Variants in RGS9 observed in about 807,000 individuals in gnomAD.
RGS9 encodes the protein regulator of G protein signaling 9, also known as regulator of G-protein signalling 9.
In RGS9, 78 loss-of-function variants were observed where a neutral mutation model predicts 102.0. The ratio of observed to expected loss-of-function variants is 0.76; its 90% CI spans 0.64 to 0.92. The LOEUF is 0.92. Ranked by LOEUF, RGS9 falls within the 40% of genes least tolerant of loss-of-function variation. The pLI is 0.00. For missense variants in RGS9, 833 were observed against 866.1 expected (o/e 0.96, Z 0.48); for synonymous variants, 353 against 318.6 (o/e 1.11, Z -1.15).
At chr17:65,168,545 C>CTTTTTTTT (rs5821624) in intron 8 of RGS9, among the ~76,000 whole-genome samples, 2 of 85,274 alleles carry the variant, frequency 2.3e-5, no homozygotes, top group Admixed American at 1.3e-4. Flanking sequence ...AGGGCTGGGA[C>CTTTTTTTT]TTTTTTTTTT....
chr17:65,193,470 C>T (rs1386384422), intron 11 of RGS9, 73 bp from the exon 12 acceptor site: 1 of 898,212 alleles, frequency 1.1e-6, no homozygotes, highest in East Asian at 2.4e-5. Flanking sequence ...ACAGCCTGGT[C>T]AGTTGACCTG....
At chr17:65,221,944 A>G (rs1436713370) in intron 17 of RGS9, among the ~76,000 whole-genome samples, 1 of 152,210 alleles carries the variant, frequency 6.6e-6, no homozygotes. Flanking sequence ...GGCCTTCAAC[A>G]TATACATTTT....
intron 9 of RGS9, chr17:65,185,491 T>A (rs930548192): frequency 9.2e-5 from 14 of 153,000 alleles, no homozygotes; most frequent in Admixed American, 3.9e-4. Context: ...ATGATTTCAA[T>A]CTAGCCAAAG....
rs1280687683 is a variant in RGS9 at position 65,202,099 on chromosome 17, GC to G, written c.1064+20del. Reference sequence around the variant, plus strand: ...TTTACAAGTGAGCATCAGCCAGGGTGCTGGAAAGCCTTCCCTTGGGCCTCTG... The same window carrying G: ...TTTACAAGTGAGCATCAGCCAGGGTGTGGAAAGCCTTCCCTTGGGCCTCTG... On this transcript the variant is annotated intron_variant, in intron 14 of 18. Coordinates refer to ENST00000262406, the MANE Select transcript of RGS9 (RefSeq NM_003835.4). The G allele has an allele frequency of 6.3e-7, 1 of 1,586,550 alleles. No homozygotes were observed. The highest frequency in any genetic ancestry group is 1.3e-5 in the African/African-American group (1 of 74,366).
At chr17:65,200,920 G>A (rs889315109) in intron 13 of RGS9, among the ~76,000 whole-genome samples, 17 of 152,186 alleles carry the variant, frequency 1.1e-4, no homozygotes, top group Admixed American at 2.0e-4. Flanking sequence ...TCCATTGACT[G>A]TTTATGTTAT....
intron 1 of RGS9, among the ~76,000 whole-genome samples, chr17:65,138,657 C>G (rs1910005953): frequency 6.6e-6 from 1 of 152,050 alleles, no homozygotes; most frequent in Admixed American, 6.6e-5. Flanking sequence ...ACCCTGAGAG[C>G]CTGTATTGCA....
intron 17 of RGS9, among the ~76,000 whole-genome samples, chr17:65,214,664 T>C (rs1043583646): frequency 2.0e-5 from 3 of 152,152 alleles, no homozygotes; most frequent in Non-Finnish European, 4.4e-5. Flanking sequence ...GAAAAGGTGC[T>C]CCCTCCAAGT....
chr17:65,179,382 G>A (rs558655748), intron 9 of RGS9, among the ~76,000 whole-genome samples: 26 of 152,260 alleles, frequency 1.7e-4, no homozygotes, highest in African/African-American at 5.8e-4. Context: ...AGCCTTTCCC[G>A]TGTTCCCCTT....
At position 65,177,806 on chromosome 17, in the gene RGS9, A is replaced by G; in HGVS notation, c.654+3A>G. The G allele has an allele frequency of 6.2e-7, 1 of 1,613,778 alleles. No homozygotes were observed. The highest frequency in any genetic ancestry group is 8.5e-7 in the Non-Finnish European group (1 of 1,179,628). On this transcript the variant is annotated splice_donor_region_variant and intron_variant, in intron 9 of 18. Transcript: ENST00000262406. Reference sequence around the variant, plus strand: ...CGAATGAAGTCAAGGTAAACCAGGTATGTCTCTGCTGCATAGTTTGGGTAG... The same window carrying G: ...CGAATGAAGTCAAGGTAAACCAGGTGTGTCTCTGCTGCATAGTTTGGGTAG...
At chr17:65,168,635 C>T (rs936124788) in intron 8 of RGS9, among the ~76,000 whole-genome samples, 2 of 145,482 alleles carry the variant, frequency 1.4e-5, no homozygotes, top group Non-Finnish European at 3.0e-5. Context: ...CCAATGGAGG[C>T]GCCAATGCAG....
intron 1 of RGS9, 44 bp from the exon 2 acceptor site, chr17:65,153,378 A>G: frequency 6.4e-7 from 1 of 1,552,568 alleles, no homozygotes. Flanking sequence ...CACAACTTTC[A>G]AAATTGTTCT....
intron 17 of RGS9, among the ~76,000 whole-genome samples, chr17:65,221,158 G>A (rs1913694917): frequency 6.6e-6 from 1 of 152,204 alleles, no homozygotes; most frequent in South Asian, 2.1e-4. Context: ...CCAGGTAAGT[G>A]GCCATCTTCC....
intron 3 of RGS9, among the ~76,000 whole-genome samples, 161 bp from the exon 4 acceptor site, chr17:65,160,072 T>C (rs1467186601): frequency 6.6e-6 from 1 of 152,224 alleles, no homozygotes; most frequent in East Asian, 1.9e-4. Context: ...AGCTCACGCT[T>C]GTCCACAGCC....
chr17:65,223,374 G>A (rs1165541625), intron 17 of RGS9, among the ~76,000 whole-genome samples: 5 of 152,356 alleles, frequency 3.3e-5, no homozygotes, highest in East Asian at 1.9e-4. Flanking sequence ...ACAGAATCTC[G>A]TTTGAACTTC....
intron 1 of RGS9, among the ~76,000 whole-genome samples, chr17:65,149,766 T>C (rs368159416): frequency 2.9e-4 from 44 of 152,346 alleles, no homozygotes; most frequent in African/African-American, 9.4e-4. Context: ...CACAAATTAA[T>C]TAAATTCTAA....
rs1163175793 is a variant in RGS9, at chr17:65,197,523, A to G, written c.976+282A>G. ...TTTCTGAGGGCTCCATCCATCCTGG[A>G]TGCCCCCACTGTCACCCGAGGAGCC... On this transcript the variant is annotated intron_variant, in intron 13 of 18. Coordinates refer to ENST00000262406, the MANE Select transcript of RGS9 (RefSeq NM_003835.4). Among the ~76,000 whole-genome samples, 3 of 152,120 alleles carry G rather than the reference A, an allele frequency of 2.0e-5. No homozygotes were observed. The East Asian group carries it at 5.8e-4, about 29-fold the overall frequency.
chr17:65,152,405 C>A (rs1910612788), intron 1 of RGS9, among the ~76,000 whole-genome samples: 13 of 152,166 alleles, frequency 8.5e-5, no homozygotes, highest in Admixed American at 7.9e-4. Flanking sequence ...TACTTGGAGT[C>A]AAGTGGTCCT....
intron 17 of RGS9, among the ~76,000 whole-genome samples, chr17:65,214,282 C>A (rs991378503): frequency 1.3e-5 from 2 of 152,154 alleles, no homozygotes; most frequent in Non-Finnish European, 2.9e-5. Context: ...ATTTTAAAGA[C>A]CTTTTTTGTG....
chr17:65,186,753 C>T (rs16960920), intron 9 of RGS9, among the ~76,000 whole-genome samples: 33,353 of 152,138 alleles, frequency 0.22, 4,473 homozygotes, highest in African/African-American at 0.37. Context: ...AGCTTTGTTT[C>T]CTCAGCTAAA....
Sources: allele counts gnomAD v4.1 joint callset (sites outside exome capture counted in the v4.1 genomes callset), GRCh38; gene constraint gnomAD v4.1.1; transcripts MANE v1.5; gene names NCBI Gene and HGNC (gene_info 2026-07-23, HGNC 2026-07-21).